ELMOD1: variants seen among roughly 807,000 people sequenced by gnomAD.
The protein encoded by ELMOD1 is ELMO domain containing 1, also known as ELMO domain-containing protein 1.
A neutral mutation model predicts 46.7 loss-of-function variants in ELMOD1; 21 were observed. That is an observed-to-expected ratio of 0.45 (90% CI 0.32 to 0.65). The LOEUF (loss-of-function observed/expected upper bound fraction) is 0.65, where lower values mean the gene tolerates loss of function less well. Among genes scored for constraint, ELMOD1 ranks in the 30% least tolerant of loss-of-function variants. The pLI is 0.04. For synonymous variants in ELMOD1, 122 were observed against 138.2 expected (o/e 0.88, Z 0.82); for missense variants, 348 against 407.8 (o/e 0.85, Z 1.26).
intron 1 of ELMOD1, among the ~76,000 whole-genome samples, chr11:107,608,563 G>T (rs1325389182): frequency 1.3e-5 from 2 of 151,922 alleles, no homozygotes; most frequent in East Asian, 3.9e-4. Context: ...TTTGGGTGGG[G>T]GATATTTTTA....
chr11:107,655,573 C>CTTTTTTTTTTTTTTTTTTTTTTT lies in ELMOD1; in HGVS notation c.699-345_699-344insTTTTTTTTTTTTTTTTTTTTTTT, dbSNP rs746890763. Among the ~76,000 whole-genome samples the CTTTTTTTTTTTTTTTTTTTTTTT allele has an allele frequency of 3.6e-5, 4 of 112,448 alleles. 1 individual carries two copies. Among genetic ancestry groups the CTTTTTTTTTTTTTTTTTTTTTTT allele is most frequent in the East Asian group, 3.2e-4 (1 of 3,142 alleles). The allele number at this position is 112,448 out of a possible 152,430, so 73.8% of individuals were successfully genotyped here. On this transcript the variant is annotated intron_variant, in intron 10 of 11. Coordinates refer to ENST00000265840, the MANE Select transcript of ELMOD1 (RefSeq NM_018712.4). ...ATCAGATTACCCATTATTGAAATGCCTTTTTTTTTTTTTTTGTAAAGTGAA... is the reference window on the plus strand; with the variant it reads ...ATCAGATTACCCATTATTGAAATGCCTTTTTTTTTTTTTTTTTTTTTTTTTTTTTTTTTTTTTTGTAAAGTGAA...
chr11:107,616,920 G>A (rs542595816), intron 1 of ELMOD1, among the ~76,000 whole-genome samples: 1 of 152,166 alleles, frequency 6.6e-6, no homozygotes, highest in African/African-American at 2.4e-5. Flanking sequence ...TGATCCGAGT[G>A]TTGGGTGGGA....
At chr11:107,636,673 GT>G (rs1218622666) in intron 6 of ELMOD1, among the ~76,000 whole-genome samples, 1 of 152,138 alleles carries the variant, frequency 6.6e-6, no homozygotes, top group Non-Finnish European at 1.5e-5. Context: ...AGGAGTGTAT[GT>G]TTTTGTGTAT....
At chr11:107,617,685 T>C (rs1442356965) in intron 1 of ELMOD1, among the ~76,000 whole-genome samples, 1 of 152,196 alleles carries the variant, frequency 6.6e-6, no homozygotes, top group Admixed American at 6.5e-5. Context: ...AGTTAGTTGG[T>C]TCCAGTTATT....
Position 107,631,637 on chromosome 11 carries a change from A to G in ELMOD1, c.250A>G (p.Ile84Val), listed in dbSNP as rs767696425. ...CGCTATTGAAAAAACTATAGAAGAT[A>G]TCATGGAACTGAAAAAAATTAATCC... ...PDAIEKTIED[I>V]MELKKINPDV... The change falls in exon 5 of 12, where the codon ATC becomes GTC. Residue 84 changes from isoleucine to valine, a missense_variant. Physicochemically the swap from Ile to Val is conservative, Grantham distance 29 (BLOSUM62 3). Transcript: ENST00000265840. The G allele has an allele frequency of 6.4e-7, 1 of 1,562,216 alleles. No individual in the cohort carries two copies. Among genetic ancestry groups the G allele is most frequent in the South Asian group, 1.2e-5 (1 of 84,192 alleles).
In ELMOD1 at chr11:107,656,258, C is replaced by T. The variant is rs568721131; in HGVS notation, c.832+192C>T. ...CAAAAATTAGCCAGGCATGGTGATG[C>T]GCACCTGTAATCCCAGCTACTTGGG... On this transcript the variant is annotated intron_variant, in intron 11 of 11. Coordinates refer to ENST00000265840, the MANE Select transcript of ELMOD1 (RefSeq NM_018712.4). Among the ~76,000 whole-genome samples the T allele has an allele frequency of 3.3e-4, 50 of 151,660 alleles. 1 individual carries two copies. In the South Asian group the frequency reaches 9.4e-3, roughly 28 times the overall value.
chr11:107,605,552 G>A (rs1865671606), intron 1 of ELMOD1, among the ~76,000 whole-genome samples: 1 of 152,164 alleles, frequency 6.6e-6, no homozygotes, highest in African/African-American at 2.4e-5. Flanking sequence ...CTGCCTCCAT[G>A]AAAACAGTGC....
At chr11:107,658,185 A>G (rs1311033162) in intron 11 of ELMOD1, among the ~76,000 whole-genome samples, 1 of 152,194 alleles carries the variant, frequency 6.6e-6, no homozygotes, top group African/African-American at 2.4e-5. Context: ...AAGAATTGAA[A>G]TGTTGCTTTA....
intron 1 of ELMOD1, among the ~76,000 whole-genome samples, chr11:107,603,276 C>T (rs1459843236): frequency 1.1e-4 from 16 of 152,356 alleles, no homozygotes; most frequent in East Asian, 3.9e-4. Flanking sequence ...CAGTGGCTCA[C>T]GCCTGTGATC....
chr11:107,643,516 C>T, intron 6 of ELMOD1: 1 of 444,176 alleles, frequency 2.3e-6, no homozygotes, highest in South Asian at 1.9e-5. Context: ...AAGTCTGTGT[C>T]TAGTATAGTC....
intron 6 of ELMOD1, among the ~76,000 whole-genome samples, chr11:107,636,789 TC>T (rs1866236842): frequency 6.6e-6 from 1 of 152,368 alleles, no homozygotes; most frequent in Middle Eastern, 3.4e-3. Context: ...TAGTTTTTCT[TC>T]CTTTTCTCCC....
rs1402678477 is a variant in ELMOD1 at position 107,643,578 on chromosome 11, G to C, written c.421-3890G>C. On this transcript the variant is annotated intron_variant, in intron 6 of 11. Transcript: ENST00000265840. Reference sequence around the variant, plus strand: ...TGAGCCACACAAAGAAAACTCCATTGTTCAGTTGCTGTCATTTGAGTACAA... The same window carrying C: ...TGAGCCACACAAAGAAAACTCCATTCTTCAGTTGCTGTCATTTGAGTACAA... 1.1e-5 allele frequency: 6 copies of C among 522,618 alleles called. No homozygotes were observed. In the African/African-American group the frequency reaches 1.2e-4, roughly 10 times the overall value. The allele number at this position is 522,618 out of a possible 1,614,324, so 32.4% of individuals were successfully genotyped here.
At chr11:107,664,748 A>C in intron 11 of ELMOD1, among the ~76,000 whole-genome samples, 1 of 135,280 alleles carries the variant, frequency 7.4e-6, no homozygotes, top group East Asian at 2.2e-4. Context: ...TGCGATTCAT[A>C]CTCAAGAGAT....
At chr11:107,610,533 G>A (rs1221258425) in intron 1 of ELMOD1, among the ~76,000 whole-genome samples, 1 of 151,834 alleles carries the variant, frequency 6.6e-6, no homozygotes, top group African/African-American at 2.4e-5. Flanking sequence ...GTGTGGTGGT[G>A]TATGCCTGTA....
chr11:107,608,997 G>T (rs955601318), intron 1 of ELMOD1, among the ~76,000 whole-genome samples: 1 of 152,160 alleles, frequency 6.6e-6, no homozygotes, highest in African/African-American at 2.4e-5. Context: ...CAAGCTGAAA[G>T]GGTTTGAATC....
chr11:107,658,109 T>G (rs1426591292), intron 11 of ELMOD1, among the ~76,000 whole-genome samples: 1 of 152,228 alleles, frequency 6.6e-6, no homozygotes, highest in Non-Finnish European at 1.5e-5. Context: ...AAAAAATTTT[T>G]TAATCAAGTA....
At chr11:107,647,995 T>C (rs1358704123) in intron 7 of ELMOD1, among the ~76,000 whole-genome samples, 1 of 152,174 alleles carries the variant, frequency 6.6e-6, no homozygotes, top group Non-Finnish European at 1.5e-5. Context: ...TACACCATCA[T>C]TTCACCCTTC....
Position 107,618,267 on chromosome 11 carries a change from A to G in ELMOD1, c.17+61A>G. 2.0e-6 allele frequency: 3 copies of G among 1,517,980 alleles called. No individual in the cohort carries two copies. The South Asian group carries it at 3.6e-5, about 18-fold the overall frequency. 94.0% of individuals were successfully genotyped at this position (1,517,980 alleles called of 1,614,324 possible). ...AGTGGGAGAAACCTCCTCACTGGTT[A>G]GGGTAATATTACCAGTCATCGTTTG... On this transcript the variant is annotated intron_variant, in intron 2 of 11. Transcript: ENST00000265840.
At chr11:107,607,531 A>T (rs1369439955) in intron 1 of ELMOD1, among the ~76,000 whole-genome samples, 1 of 152,112 alleles carries the variant, frequency 6.6e-6, no homozygotes, top group Admixed American at 6.6e-5. Context: ...GGTGGCATGC[A>T]CTTGTAGTCC....
Sources: gnomAD v4.1 joint callset for allele counts (sites outside exome capture counted in the v4.1 genomes callset) on GRCh38, gnomAD v4.1.1 for gene constraint, MANE v1.5 for transcripts, NCBI Gene and HGNC (gene_info 2026-07-23, HGNC 2026-07-21) for gene names.